The following MOB3B variants were observed in gnomAD, a reference collection of about 807,000 sequenced individuals.
MOB3B encodes the protein MOB kinase activator-like 2B.
A neutral mutation model predicts 18.7 loss-of-function variants in MOB3B; 7 were observed. That is an observed-to-expected ratio of 0.37 (90% CI 0.21 to 0.70). The LOEUF (loss-of-function observed/expected upper bound fraction) is 0.70. Ranked by LOEUF, MOB3B falls within the 30% of genes least tolerant of loss-of-function variation. The pLI, the probability that MOB3B is intolerant of heterozygous loss-of-function variation, is 0.52. For synonymous variants in MOB3B, 111 were observed against 99.9 expected (o/e 1.11, Z -0.66); for missense variants, 253 against 281.3 (o/e 0.90, Z 0.72).
intron 1 of MOB3B, among the ~76,000 whole-genome samples, chr9:27,506,489 T>A (rs991584984): frequency 6.6e-6 from 1 of 152,142 alleles, no homozygotes; most frequent in Non-Finnish European, 1.5e-5. Context: ...ATATTCTGTA[T>A]GGTAGGCACT....
intron 2 of MOB3B, among the ~76,000 whole-genome samples, chr9:27,415,022 T>C (rs1483608838): frequency 2.6e-5 from 4 of 151,796 alleles, no homozygotes; most frequent in South Asian, 2.1e-4. Context: ...CCACCATGCC[T>C]GGCTAATTTT....
chr9:27,359,020 A>C lies in MOB3B; in HGVS notation c.621+14T>G. 2 of 1,613,526 alleles carry C rather than the reference A, an allele frequency of 1.2e-6. No individual in the cohort carries two copies. The highest frequency in any genetic ancestry group is 2.2e-5 in the South Asian group (2 of 91,064). Reference sequence around the variant, plus strand: ...GGGGTGACTTGGATACCATTATTTCATGGTGTCACTTACCAAAGGCTCTAG... The same window carrying C: ...GGGGTGACTTGGATACCATTATTTCCTGGTGTCACTTACCAAAGGCTCTAG... On this transcript the variant is annotated intron_variant, in intron 3 of 3. Transcript: ENST00000262244.
At chr9:27,391,214 T>C (rs948327430) in intron 2 of MOB3B, among the ~76,000 whole-genome samples, 2 of 152,212 alleles carry the variant, frequency 1.3e-5, no homozygotes, top group African/African-American at 4.8e-5. Context: ...CACAGGATGG[T>C]GTTTGGCTGA....
At chr9:27,438,008 C>T (rs573263374) in intron 2 of MOB3B, among the ~76,000 whole-genome samples, 2 of 152,256 alleles carry the variant, frequency 1.3e-5, no homozygotes, top group East Asian at 3.9e-4. Context: ...TTAAGGCTTC[C>T]CATGCAAATA....
At chr9:27,428,313 A>G (rs1421895704) in intron 2 of MOB3B, among the ~76,000 whole-genome samples, 1 of 152,220 alleles carries the variant, frequency 6.6e-6, no homozygotes, top group African/African-American at 2.4e-5. Flanking sequence ...TTTCAGCAAT[A>G]TGATCTCAGG....
At chr9:27,346,186 G>A (rs942690574) in intron 3 of MOB3B, among the ~76,000 whole-genome samples, 4 of 152,190 alleles carry the variant, frequency 2.6e-5, no homozygotes, top group Admixed American at 6.5e-5. Flanking sequence ...CAGGCAGAGA[G>A]CAAACCCTTA....
At chr9:27,395,010 T>C (rs1275329983) in intron 2 of MOB3B, among the ~76,000 whole-genome samples, 1 of 152,118 alleles carries the variant, frequency 6.6e-6, no homozygotes, top group Admixed American at 6.6e-5. Flanking sequence ...TGATGAGAGG[T>C]CCAGGCACAG....
chr9:27,448,764 CAA>C (rs1321663982), intron 2 of MOB3B, among the ~76,000 whole-genome samples: 1 of 152,106 alleles, frequency 6.6e-6, no homozygotes, highest in Non-Finnish European at 1.5e-5. Flanking sequence ...CTTAGGAAGC[CAA>C]ACAGTTTACT....
intron 1 of MOB3B, among the ~76,000 whole-genome samples, chr9:27,496,001 T>G (rs1427635728): frequency 6.6e-6 from 1 of 152,248 alleles, no homozygotes; most frequent in East Asian, 1.9e-4. Context: ...GGCAGCATAC[T>G]GTTATAATTA....
At chr9:27,366,273 A>T (rs1317221812) in intron 2 of MOB3B, among the ~76,000 whole-genome samples, 2 of 152,166 alleles carry the variant, frequency 1.3e-5, no homozygotes, top group Non-Finnish European at 2.9e-5. Flanking sequence ...CGAGTATGAA[A>T]CGTAATAATT....
At chr9:27,528,335 A>C (rs1820468769) in intron 1 of MOB3B, among the ~76,000 whole-genome samples, 1 of 152,344 alleles carries the variant, frequency 6.6e-6, no homozygotes, top group East Asian at 1.9e-4. Flanking sequence ...CTAGAGATTG[A>C]AATCCTCTGG....
chr9:27,486,720 G>A (rs1302726662), intron 1 of MOB3B, among the ~76,000 whole-genome samples: 3 of 152,142 alleles, frequency 2.0e-5, no homozygotes, highest in Non-Finnish European at 2.9e-5. Context: ...GGGGAGAAGT[G>A]GTGCTTTAAG....
chr9:27,380,676 C>A (rs1219889234), intron 2 of MOB3B, among the ~76,000 whole-genome samples: 2 of 151,822 alleles, frequency 1.3e-5, no homozygotes, highest in Non-Finnish European at 2.9e-5. Flanking sequence ...CAGCTTCTGG[C>A]CCCTCCCCAC....
intron 2 of MOB3B, among the ~76,000 whole-genome samples, chr9:27,382,412 GCC>G (rs1393538265): frequency 9.9e-5 from 15 of 152,152 alleles, no homozygotes; most frequent in Admixed American, 2.0e-4. Context: ...TATTCCTGGT[GCC>G]CTGACTCACT....
At chr9:27,390,385 A>G (rs752172749) in intron 2 of MOB3B, among the ~76,000 whole-genome samples, 13 of 152,350 alleles carry the variant, frequency 8.5e-5, no homozygotes, top group African/African-American at 1.2e-4. Context: ...TATTTTTAGT[A>G]GAGACGGGGT....
At chr9:27,522,929 T>TATATATATATATATATA (rs60042853) in intron 1 of MOB3B, among the ~76,000 whole-genome samples, 10 of 151,310 alleles carry the variant, frequency 6.6e-5, no homozygotes, top group African/African-American at 2.4e-4. Flanking sequence ...ATATATATAT[T>TATATATATATATATATA]TTTTTCCGTA....
intron 3 of MOB3B, among the ~76,000 whole-genome samples, chr9:27,352,886 G>T (rs1387087854): frequency 1.3e-5 from 2 of 152,306 alleles, no homozygotes; most frequent in African/African-American, 4.8e-5. Flanking sequence ...CTTCTCAAAG[G>T]CTTTGATATG....
At chr9:27,369,223 C>T (rs1183954295) in intron 2 of MOB3B, among the ~76,000 whole-genome samples, 2 of 152,142 alleles carry the variant, frequency 1.3e-5, no homozygotes, top group African/African-American at 4.8e-5. Flanking sequence ...GAGCCCCAAC[C>T]AGAATTTGAA....
chr9:27,365,562 C>G lies in MOB3B; in HGVS notation c.419-6326G>C, dbSNP rs531369148. Among the ~76,000 whole-genome samples, 5 of 152,158 alleles carry G rather than the reference C, an allele frequency of 3.3e-5. No individual in the cohort carries two copies. In the East Asian group the frequency reaches 9.7e-4, roughly 29 times the overall value. ...TAATACCAGACTGTTAGATATGTGCCTGTATTGATGATATAGAAAACAATC... is the reference window on the plus strand; with the variant it reads ...TAATACCAGACTGTTAGATATGTGCGTGTATTGATGATATAGAAAACAATC... On this transcript the variant is annotated intron_variant, in intron 2 of 3. Coordinates refer to ENST00000262244, the MANE Select transcript of MOB3B (RefSeq NM_024761.5).
Sources: allele counts gnomAD v4.1 joint callset (sites outside exome capture counted in the v4.1 genomes callset), GRCh38; gene constraint gnomAD v4.1.1; transcripts MANE v1.5; gene names NCBI Gene and HGNC (gene_info 2026-07-23, HGNC 2026-07-21).